Variants in MAD1L1 observed in about 807,000 individuals in gnomAD.
MAD1L1 encodes the protein mitotic arrest deficient 1 like 1, also known as mitotic spindle assembly checkpoint protein MAD1.
MAD1L1 carries 95 observed loss-of-function variants against 96.9 expected under a neutral mutation model. The ratio of observed to expected loss-of-function variants is 0.98; its 90% CI spans 0.83 to 1.16. The LOEUF (loss-of-function observed/expected upper bound fraction) is 1.16. MAD1L1 is among the 50% of genes most tolerant of loss of function. The pLI, the probability that MAD1L1 is intolerant of heterozygous loss-of-function variation, is 0.00. For missense variants in MAD1L1, 1,007 were observed against 954.4 expected (o/e 1.06, Z -0.73); for synonymous variants, 473 against 396.6 (o/e 1.19, Z -2.29).
At chr7:1,941,620 G>A (rs967708476) in intron 16 of MAD1L1, among the ~76,000 whole-genome samples, 1 of 152,206 alleles carries the variant, frequency 6.6e-6, no homozygotes, top group Non-Finnish European at 1.5e-5. Context: ...CTCCTCAGCC[G>A]CTACGCATGC....
chr7:1,942,053 G>A (rs1397565642), intron 16 of MAD1L1, among the ~76,000 whole-genome samples: 68 of 152,248 alleles, frequency 4.5e-4, no homozygotes. Flanking sequence ...CCAGGCTCTT[G>A]ACCTCCACGC....
intron 18 of MAD1L1, among the ~76,000 whole-genome samples, chr7:1,863,848 G>A (rs1784648228): frequency 6.6e-6 from 1 of 152,158 alleles, no homozygotes; most frequent in Admixed American, 6.5e-5. Context: ...CAGCACTCTG[G>A]CAGGCCGAGC....
chr7:2,034,319 C>T (rs949228881), intron 12 of MAD1L1, among the ~76,000 whole-genome samples: 3 of 151,128 alleles, frequency 2.0e-5, no homozygotes, highest in African/African-American at 2.4e-5. Context: ...CGGGTTCAAG[C>T]GATTCTCCTG....
intron 18 of MAD1L1, among the ~76,000 whole-genome samples, chr7:1,871,907 G>A (rs1379489012): frequency 5.9e-5 from 9 of 152,310 alleles, no homozygotes; most frequent in African/African-American, 2.2e-4. Flanking sequence ...GGGGGTGGAG[G>A]AGATGAGAAG....
chr7:2,046,962 C>G (rs1783951202), intron 12 of MAD1L1, among the ~76,000 whole-genome samples: 1 of 152,252 alleles, frequency 6.6e-6, no homozygotes, highest in African/African-American at 2.4e-5. Context: ...CACCCACTCA[C>G]AGACGACAAA....
At chr7:1,912,880 G>A (rs528436758) in intron 17 of MAD1L1, among the ~76,000 whole-genome samples, 55 of 152,264 alleles carry the variant, frequency 3.6e-4, no homozygotes, top group Non-Finnish European at 4.7e-4. Context: ...CTGGGGTGGC[G>A]GCGGCGAGGT....
At chr7:1,935,324 C>T (rs961468754) in intron 17 of MAD1L1, among the ~76,000 whole-genome samples, 3 of 152,250 alleles carry the variant, frequency 2.0e-5, no homozygotes, top group African/African-American at 7.2e-5. Flanking sequence ...GGGAGCAGCC[C>T]TTGTGCAGGT....
intron 14 of MAD1L1, among the ~76,000 whole-genome samples, 190 bp downstream of exon 14, chr7:2,001,875 G>A (rs896150609): frequency 1.3e-5 from 2 of 152,216 alleles, no homozygotes; most frequent in African/African-American, 2.4e-5. Context: ...GCCGGCGCAT[G>A]CCACCTGTCA....
chr7:2,003,308 G>C (rs1781888506), intron 13 of MAD1L1, among the ~76,000 whole-genome samples: 1 of 152,168 alleles, frequency 6.6e-6, no homozygotes, highest in South Asian at 2.1e-4. Flanking sequence ...ACCTGTGTGT[G>C]GCATGTGCAC....
intron 17 of MAD1L1, among the ~76,000 whole-genome samples, chr7:1,917,185 T>C (rs1341684241): frequency 3.3e-5 from 5 of 152,148 alleles, no homozygotes; most frequent in South Asian, 4.1e-4. Flanking sequence ...GACAGAACAG[T>C]GTGGGCTTGG....
At chr7:1,923,606 G>A (rs1314192991) in intron 17 of MAD1L1, among the ~76,000 whole-genome samples, 1 of 152,280 alleles carries the variant, frequency 6.6e-6, no homozygotes, top group African/African-American at 2.4e-5. Flanking sequence ...GGTGCGTGGG[G>A]CATGTCCTGC....
intron 18 of MAD1L1, among the ~76,000 whole-genome samples, chr7:1,865,977 C>T (rs970019433): frequency 4.6e-5 from 7 of 152,228 alleles, no homozygotes; most frequent in Non-Finnish European, 8.8e-5. Flanking sequence ...GGCAGACAGC[C>T]GTGATGCGCC....
At chr7:2,132,357 C>G (rs1385041579) in intron 11 of MAD1L1, among the ~76,000 whole-genome samples, 1 of 152,122 alleles carries the variant, frequency 6.6e-6, no homozygotes, top group Non-Finnish European at 1.5e-5. Context: ...TAGACGAACG[C>G]ATGTCTGCAG....
At chr7:2,043,786 T>G (rs1783798717) in intron 12 of MAD1L1, among the ~76,000 whole-genome samples, 2 of 152,232 alleles carry the variant, frequency 1.3e-5, no homozygotes, top group South Asian at 2.1e-4. Flanking sequence ...CAGGGGCCTC[T>G]GCCCATTCTC....
chr7:2,060,380 G>C lies in MAD1L1; in HGVS notation c.1218+8814C>G, dbSNP rs536925465. ...GCTGATGCCAAGATACACCGATGCCGAGATGTCAAGATACGCTGATGCTGA... is the reference window on the plus strand; with the variant it reads ...GCTGATGCCAAGATACACCGATGCCCAGATGTCAAGATACGCTGATGCTGA... On this transcript the variant is annotated intron_variant, in intron 12 of 18. Coordinates refer to ENST00000265854, the MANE Select transcript of MAD1L1 (RefSeq NM_001013836.2). 2.0e-5 allele frequency among the ~76,000 whole-genome samples: 3 copies of C among 151,214 alleles called. No individual in the cohort carries two copies. The East Asian group carries it at 5.9e-4, about 30-fold the overall frequency.
chr7:2,218,034 C>T lies in MAD1L1; in HGVS notation c.606G>A (p.Gln202=), dbSNP rs375034949. The part of the protein sequence containing the change: ...EQLDLQHKKC[Q]EANQKIQELQ... The stretch of plus-strand genomic sequence containing the variant: ...GTTCCTGGATTTTCTGATTGGCTTC[C>T]TGGCATTTTCTATTGAAAGAAAAAT... The change falls in exon 7 of 19, where the codon CAG becomes CAA. Residue 202 remains glutamine, a synonymous_variant. Coordinates refer to ENST00000265854, the MANE Select transcript of MAD1L1 (RefSeq NM_001013836.2). 4.2e-5 allele frequency: 68 copies of T among 1,613,770 alleles called. No individual in the cohort carries two copies. The African/African-American group carries it at 8.5e-4, about 20-fold the overall frequency.
intron 11 of MAD1L1, among the ~76,000 whole-genome samples, chr7:2,112,378 C>T (rs1458984585): frequency 6.6e-5 from 10 of 152,160 alleles, no homozygotes; most frequent in Admixed American, 6.5e-4. Flanking sequence ...GAACCACAAA[C>T]AAAGAACACA....
At position 1,854,791 on chromosome 7, in the gene MAD1L1, G is replaced by A. The variant is rs115670057; in HGVS notation, c.1999-38563C>T. ...AAAGTCTCCTCTCAACCTCACTGGC[G>A]TCACATACGGGGGAGACAAAGGCAG... On this transcript the variant is annotated intron_variant, in intron 18 of 18. Transcript: ENST00000265854. 8.5e-4 allele frequency among the ~76,000 whole-genome samples: 129 copies of A among 152,278 alleles called. 1 individual carries two copies. The highest frequency in any genetic ancestry group is 2.0e-3 in the African/African-American group (84 of 41,558).
chr7:2,052,709 G>C (rs183420793), intron 12 of MAD1L1, among the ~76,000 whole-genome samples: 99 of 152,334 alleles, frequency 6.5e-4, no homozygotes, highest in African/African-American at 2.3e-3. Flanking sequence ...TTTTTATAAA[G>C]GGGTACACCA....
Sources: gnomAD v4.1 joint callset for allele counts (sites outside exome capture counted in the v4.1 genomes callset) on GRCh38, gnomAD v4.1.1 for gene constraint, MANE v1.5 for transcripts, NCBI Gene and HGNC (gene_info 2026-07-23, HGNC 2026-07-21) for gene names.